RALGAPA1: variants seen among roughly 807,000 people sequenced by gnomAD.
The protein encoded by RALGAPA1 is ral GTPase-activating protein subunit alpha-1.
A neutral mutation model predicts 269.6 loss-of-function variants in RALGAPA1; 52 were observed. The ratio of observed to expected loss-of-function variants is 0.19; its 90% CI spans 0.15 to 0.24. RALGAPA1 has a LOEUF of 0.24. Among genes scored for constraint, RALGAPA1 ranks in the 10% least tolerant of loss-of-function variants. The pLI, the probability that RALGAPA1 is intolerant of heterozygous loss-of-function variation, is 1.00. For synonymous variants in RALGAPA1, 817 were observed against 1,008.3 expected (o/e 0.81, Z 3.60); for missense variants, 1,917 against 3,013.9 (o/e 0.64, Z 8.52).
intron 10 of RALGAPA1, chr14:35,748,334 A>C: frequency 3.8e-6 from 1 of 261,724 alleles, no homozygotes; most frequent in Non-Finnish European, 7.0e-6. Context: ...TACATGAAGA[A>C]TATATTTTAA....
chr14:35,770,983 A>G lies in RALGAPA1; in HGVS notation c.284T>C (p.Leu95Pro). Residue 95 changes from leucine to proline, a missense_variant, in exon 4 of 42, where the codon CTT becomes CCT. Around this residue, in one of 11 missense-constraint regions of RALGAPA1, gnomAD observed 462 missense variants for 725.6 expected, o/e 0.64. Coordinates refer to ENST00000680220, the MANE Select transcript of RALGAPA1 (RefSeq NM_001346249.2). ...CCATCGCTGATGAATTCTTTCTGGA[A>G]GAAGTTGTAAAATTTTCTAAAAATC... ...LFIFEKILQL[L>P]PERIHQRWQF... 1 of 1,395,006 alleles carries G rather than the reference A, an allele frequency of 7.2e-7. No individual in the cohort carries two copies. The highest frequency in any genetic ancestry group is 9.9e-7 in the Non-Finnish European group (1 of 1,009,896). 86.4% of individuals were successfully genotyped at this position (1,395,006 alleles called of 1,614,324 possible).
chr14:35,546,299 C>A (rs1202126369), intron 41 of RALGAPA1, among the ~76,000 whole-genome samples: 1 of 151,822 alleles, frequency 6.6e-6, no homozygotes, highest in Non-Finnish European at 1.5e-5. Context: ...TACCGCTAAC[C>A]AGAAAGTGGG....
chr14:35,569,946 A>G (rs897587447), intron 39 of RALGAPA1, among the ~76,000 whole-genome samples: 11 of 152,324 alleles, frequency 7.2e-5, no homozygotes, highest in Middle Eastern at 3.4e-3. Context: ...TGGGACTCTA[A>G]TTAACCAAAA....
At chr14:35,655,711 A>T (rs2063133363) in intron 29 of RALGAPA1, 96 bp downstream of exon 29, 1 of 1,457,604 alleles carries the variant, frequency 6.9e-7, no homozygotes, top group East Asian at 2.4e-5. Context: ...TAATGAAAAC[A>T]TTTACTAAAT....
intron 16 of RALGAPA1, among the ~76,000 whole-genome samples, chr14:35,709,119 T>C (rs1430869980): frequency 6.6e-6 from 1 of 151,748 alleles, no homozygotes; most frequent in Non-Finnish European, 1.5e-5. Flanking sequence ...GGTTAATGGG[T>C]ACAAAAAAAA....
chr14:35,710,925 T>C (rs944552047), intron 16 of RALGAPA1, among the ~76,000 whole-genome samples: 3 of 152,234 alleles, frequency 2.0e-5, no homozygotes, highest in Non-Finnish European at 4.4e-5. Context: ...GTAGACTATG[T>C]CACCTAGGTT....
At chr14:35,656,000 C>A (rs946284454) in intron 28 of RALGAPA1, 85 bp from the exon 29 acceptor site, 10 of 1,592,276 alleles carry the variant, frequency 6.3e-6, no homozygotes, top group Non-Finnish European at 5.1e-6. Flanking sequence ...ACAGAATGAA[C>A]ATGCACTATT....
intron 39 of RALGAPA1, among the ~76,000 whole-genome samples, chr14:35,566,492 C>G (rs541521380): frequency 1.1e-3 from 161 of 152,160 alleles, no homozygotes; most frequent in Non-Finnish European, 1.9e-3. Flanking sequence ...CAAATATAAT[C>G]AAGCTTATTA....
At chr14:35,736,322 T>C (rs753020464) in intron 12 of RALGAPA1, among the ~76,000 whole-genome samples, 3 of 152,088 alleles carry the variant, frequency 2.0e-5, no homozygotes, top group Non-Finnish European at 4.4e-5. Flanking sequence ...CAAGTGAAAA[T>C]GACAATTTGA....
At chr14:35,776,385 G>GAA (rs35941793) in intron 1 of RALGAPA1, among the ~76,000 whole-genome samples, 5 of 139,078 alleles carry the variant, frequency 3.6e-5, no homozygotes, top group Non-Finnish European at 4.7e-5. Flanking sequence ...CCACCTTGGG[G>GAA]AAAAAAAAAA....
intron 1 of RALGAPA1, among the ~76,000 whole-genome samples, chr14:35,782,437 CT>C (rs934996468): frequency 6.6e-6 from 1 of 151,554 alleles, no homozygotes; most frequent in South Asian, 2.1e-4. Context: ...TCTATTTTTT[CT>C]TTTTTTTGAG....
intron 13 of RALGAPA1, 81 bp from the exon 14 acceptor site, chr14:35,725,234 T>G (rs1208370543): frequency 9.2e-6 from 9 of 974,756 alleles, no homozygotes; most frequent in Non-Finnish European, 1.3e-5. Context: ...AATACATACT[T>G]CTTATAAAAA....
chr14:35,787,789 C>T (rs2075898119), intron 1 of RALGAPA1, among the ~76,000 whole-genome samples: 1 of 151,770 alleles, frequency 6.6e-6, no homozygotes, highest in African/African-American at 2.4e-5. Flanking sequence ...ACTATGTCGC[C>T]CAGGCTGGTC....
intron 33 of RALGAPA1, 137 bp downstream of exon 33, chr14:35,634,437 A>T: frequency 2.0e-6 from 1 of 487,906 alleles, no homozygotes; most frequent in Non-Finnish European, 3.4e-6. Flanking sequence ...TTAATAATGA[A>T]CTTGTGCTAT....
At chr14:35,722,887 A>T in intron 15 of RALGAPA1, 140 bp downstream of exon 15, 2 of 503,414 alleles carry the variant, frequency 4.0e-6, no homozygotes, top group African/African-American at 1.9e-5. Flanking sequence ...TATTTTATAC[A>T]TTTTCATTTT....
chr14:35,696,590 T>C (rs936304218), intron 17 of RALGAPA1, among the ~76,000 whole-genome samples: 62 of 142,540 alleles, frequency 4.3e-4, no homozygotes, highest in African/African-American at 1.4e-3. Flanking sequence ...TCCTTTCTCA[T>C]AGATTTTGGT....
chr14:35,763,389 C>T (rs2073880974), intron 4 of RALGAPA1, among the ~76,000 whole-genome samples: 1 of 152,000 alleles, frequency 6.6e-6, no homozygotes, highest in Admixed American at 6.6e-5. Context: ...TCATATTGTT[C>T]CTTTCTTCCC....
chr14:35,723,900 T>C (rs1488999735), intron 14 of RALGAPA1: 1 of 152,130 alleles, frequency 6.6e-6, no homozygotes, highest in Non-Finnish European at 1.5e-5. Flanking sequence ...TAAAGATATG[T>C]CCTCTGATTG....
At chr14:35,602,954 T>A (rs916091598) in intron 36 of RALGAPA1, among the ~76,000 whole-genome samples, 1 of 152,168 alleles carries the variant, frequency 6.6e-6, no homozygotes. Flanking sequence ...TTTCATTCTT[T>A]GCATATGGCT....
Sources: allele counts gnomAD v4.1 joint callset (sites outside exome capture counted in the v4.1 genomes callset), GRCh38; gene constraint gnomAD v4.1.1; regional missense constraint gnomAD v4.1.1; transcripts MANE v1.5; gene names NCBI Gene and HGNC (gene_info 2026-07-23, HGNC 2026-07-21).